CNTNAP2: variants seen among roughly 807,000 people sequenced by gnomAD.
CNTNAP2 encodes the protein contactin-associated protein-like 2.
A neutral mutation model predicts 155.2 loss-of-function variants in CNTNAP2; 98 were observed. The ratio of observed to expected loss-of-function variants is 0.63; its 90% confidence interval spans 0.54 to 0.75. CNTNAP2 has a LOEUF of 0.75. Ranked by LOEUF, CNTNAP2 falls within the 30% of genes least tolerant of loss-of-function variation. The pLI is 0.00. For missense variants in CNTNAP2, 1,727 were observed against 1,688.1 expected, an observed-to-expected ratio of 1.02 and a Z score of -0.40; for synonymous variants, 651 against 631.2, an observed-to-expected ratio of 1.03 and a Z score of -0.47.
At chr7:147,352,740 C>T (rs1419209002) in intron 9 of CNTNAP2, among the ~76,000 whole-genome samples, 1 of 151,872 alleles carries the variant, frequency 6.6e-6, no homozygotes, top group African/African-American at 2.4e-5. Flanking sequence ...CTAAGTTATT[C>T]TGTTTCAAGG....
intron 15 of CNTNAP2, among the ~76,000 whole-genome samples, chr7:147,998,628 G>A (rs887169230): frequency 6.6e-6 from 1 of 152,188 alleles, no homozygotes; most frequent in African/African-American, 2.4e-5. Context: ...TTGGTGGAGT[G>A]GGTAGAAGGC....
intron 11 of CNTNAP2, among the ~76,000 whole-genome samples, chr7:147,505,566 A>G (rs11762071): frequency 0.45 from 68,645 of 151,970 alleles, 16,502 homozygotes; most frequent in African/African-American, 0.61. Context: ...AATCTGGGAG[A>G]ATTTAAGGGA....
chr7:147,842,653 A>G (rs2116655256), intron 13 of CNTNAP2, among the ~76,000 whole-genome samples: 1 of 101,778 alleles, frequency 9.8e-6, no homozygotes, highest in African/African-American at 4.0e-5. Flanking sequence ...CAGGTTAGTT[A>G]CATATGTATA....
chr7:148,288,698 C>G (rs1043434265), intron 21 of CNTNAP2, among the ~76,000 whole-genome samples: 1 of 151,946 alleles, frequency 6.6e-6, no homozygotes, highest in Non-Finnish European at 1.5e-5. Flanking sequence ...TTGTTCCAAT[C>G]ATTCCCCCTG....
intron 10 of CNTNAP2, among the ~76,000 whole-genome samples, chr7:147,428,191 C>T (rs1055979695): frequency 6.6e-6 from 1 of 152,120 alleles, no homozygotes; most frequent in Non-Finnish European, 1.5e-5. Context: ...CTTCAGTTTA[C>T]CTCCTCATGA....
intron 11 of CNTNAP2, among the ~76,000 whole-genome samples, chr7:147,508,575 G>C (rs1286834494): frequency 2.6e-5 from 4 of 152,126 alleles, no homozygotes; most frequent in Non-Finnish European, 5.9e-5. Flanking sequence ...GGTCTTATCA[G>C]GTTAAATCCG....
chr7:146,727,903 T>C (rs1199818950), intron 1 of CNTNAP2, among the ~76,000 whole-genome samples: 1 of 152,158 alleles, frequency 6.6e-6, no homozygotes, highest in Non-Finnish European at 1.5e-5. Flanking sequence ...GTACTACTCA[T>C]GGGAGATTTT....
intron 4 of CNTNAP2, among the ~76,000 whole-genome samples, chr7:147,062,115 G>A (rs990162124): frequency 2.2e-5 from 2 of 92,490 alleles, no homozygotes; most frequent in Admixed American, 1.8e-4. Flanking sequence ...GCGACAGAGC[G>A]AGACTCCGTC....
intron 9 of CNTNAP2, among the ~76,000 whole-genome samples, chr7:147,377,838 T>C (rs115247570): frequency 6.6e-6 from 1 of 152,056 alleles, no homozygotes; most frequent in African/African-American, 2.4e-5. Flanking sequence ...CCCTTGCTAC[T>C]TTTATGTTCC....
At position 146,785,669 on chromosome 7, in the gene CNTNAP2, C is replaced by T. The variant is rs1802563608; in HGVS notation, c.208+11288C>T. On this transcript the variant is annotated intron_variant, in intron 2 of 23. Transcript: ENST00000361727. ...CTAGACTATAATAGCAGATGAGTAA[C>T]AACAACCAACGCAATTATCATCATA... Among the ~76,000 whole-genome samples, 5 of 152,120 alleles carry T rather than the reference C, an allele frequency of 3.3e-5. No homozygotes were observed. The South Asian group carries it at 1.0e-3, about 32-fold the overall frequency.
At chr7:147,400,534 G>T (rs1208136284) in intron 10 of CNTNAP2, among the ~76,000 whole-genome samples, 11 of 152,050 alleles carry the variant, frequency 7.2e-5, no homozygotes, top group Admixed American at 7.2e-4. Context: ...TTTCTGTTTT[G>T]TGAGTAATAG....
chr7:148,232,694 C>G (rs1174682633), intron 20 of CNTNAP2, among the ~76,000 whole-genome samples: 1 of 152,114 alleles, frequency 6.6e-6, no homozygotes, highest in African/African-American at 2.4e-5. Context: ...TGGTAGATCA[C>G]AGTGCTGTGG....
intron 13 of CNTNAP2, among the ~76,000 whole-genome samples, chr7:147,859,977 G>A (rs1258761685): frequency 6.6e-6 from 1 of 152,112 alleles, no homozygotes; most frequent in Non-Finnish European, 1.5e-5. Flanking sequence ...ATTTCGTATG[G>A]TTTGGCTCTG....
At chr7:147,149,662 G>A (rs929638033) in intron 8 of CNTNAP2, among the ~76,000 whole-genome samples, 1 of 152,104 alleles carries the variant, frequency 6.6e-6, no homozygotes, top group Non-Finnish European at 1.5e-5. Flanking sequence ...TGGATGGATA[G>A]ATAGGTAGAT....
intron 1 of CNTNAP2, among the ~76,000 whole-genome samples, chr7:146,705,650 C>A (rs114955663): frequency 1.3e-5 from 2 of 151,938 alleles, no homozygotes; most frequent in African/African-American, 4.8e-5. Context: ...ACAATCATGG[C>A]GGAAGACAAA....
Position 147,300,205 on chromosome 7 carries a change from T to G in CNTNAP2, c.1413T>G (p.Ile471Met), listed in dbSNP as rs376233595. 1 of 1,614,050 alleles carries G rather than the reference T, an allele frequency of 6.2e-7. No homozygotes were observed. Among genetic ancestry groups the G allele is most frequent in the Non-Finnish European group, 8.5e-7 (1 of 1,179,954 alleles). The change falls in exon 9 of 24, where the codon ATT (isoleucine) becomes ATG (methionine). Residue 471 changes from isoleucine (I) to methionine (M), a missense_variant. Ile to Met is a conservative substitution (Grantham distance 10). Coordinates refer to ENST00000361727, the MANE Select transcript of CNTNAP2 (RefSeq NM_014141.6). Reference sequence around the variant, plus strand: ...TCCTAGCCAAGGAAAATTTTGCTATTCTCACCATCGATGGAGATGAAGCAT... The same window carrying G: ...TCCTAGCCAAGGAAAATTTTGCTATGCTCACCATCGATGGAGATGAAGCAT... ...VRFLAKENFA[I>M]LTIDGDEASA... is the part of the protein sequence containing the mutation.
At chr7:147,176,874 T>C (rs1584773589) in intron 8 of CNTNAP2, among the ~76,000 whole-genome samples, 1 of 125,638 alleles carries the variant, frequency 8.0e-6, no homozygotes. Context: ...ATAGAATAAT[T>C]ATAATATATA....
intron 3 of CNTNAP2, among the ~76,000 whole-genome samples, chr7:146,947,130 C>T (rs754003653): frequency 2.7e-4 from 41 of 151,632 alleles, no homozygotes; most frequent in Non-Finnish European, 4.7e-4. Context: ...CTCCCATGTA[C>T]GAGTAGTTCT....
chr7:147,400,517 A>AT (rs202177615), intron 10 of CNTNAP2, among the ~76,000 whole-genome samples: 1 of 151,390 alleles, frequency 6.6e-6, no homozygotes, highest in African/African-American at 2.4e-5. Context: ...TGGTTTGACA[A>AT]TTTTTTTTTC....
Sources: allele counts gnomAD v4.1 joint callset (sites outside exome capture counted in the v4.1 genomes callset), GRCh38; gene constraint gnomAD v4.1.1; transcripts MANE v1.5; gene names NCBI Gene and HGNC (gene_info 2026-07-23, HGNC 2026-07-21).